NRXN1: variants seen among roughly 807,000 people sequenced by gnomAD.
NRXN1 encodes neurexin 1, also known as neurexin-1.
A neutral mutation model predicts 150.9 loss-of-function variants in NRXN1; 39 were observed. The observed-to-expected ratio is 0.26, with a 90% CI of 0.20 to 0.34. The LOEUF (loss-of-function observed/expected upper bound fraction) is 0.34, where lower values mean the gene tolerates loss of function less well. NRXN1 is among the 10% of genes least tolerant of loss of function. NRXN1 has a pLI of 1.00. For synonymous variants in NRXN1, 924 were observed against 757.0 expected (o/e 1.22, Z -3.62); for missense variants, 1,815 against 1,949.9 (o/e 0.93, Z 1.30).
intron 18 of NRXN1, among the ~76,000 whole-genome samples, chr2:50,108,904 A>C (rs1305340524): frequency 6.6e-6 from 1 of 152,122 alleles, no homozygotes; most frequent in Non-Finnish European, 1.5e-5. Flanking sequence ...CTGTAAACCG[A>C]AACCACACTG....
intron 15 of NRXN1, among the ~76,000 whole-genome samples, chr2:50,472,819 GTGTGTGTGTGTA>G (rs1395296418): frequency 2.3e-5 from 3 of 131,166 alleles, no homozygotes; most frequent in Admixed American, 8.3e-5. Context: ...GTGTGTGTGT[GTGTGTGTGTGTA>G]TATATATATA....
At chr2:50,673,460 A>G (rs1689131628) in intron 5 of NRXN1, among the ~76,000 whole-genome samples, 1 of 152,126 alleles carries the variant, frequency 6.6e-6, no homozygotes, top group African/African-American at 2.4e-5. Context: ...TCAGGTAGAA[A>G]CAAATGTAAA....
intron 17 of NRXN1, chr2:50,312,697 C>G (rs902330570): frequency 2.0e-6 from 1 of 510,840 alleles, no homozygotes; most frequent in Admixed American, 2.0e-5. Flanking sequence ...ATCCTCTCAT[C>G]TAGTCACTAG....
chr2:50,102,497 C>T (rs187608373), intron 18 of NRXN1, among the ~76,000 whole-genome samples: 1 of 152,174 alleles, frequency 6.6e-6, no homozygotes, highest in Non-Finnish European at 1.5e-5. Context: ...TTTTACTATA[C>T]TCCTGGCACT....
intron 5 of NRXN1, among the ~76,000 whole-genome samples, chr2:50,855,887 G>C (rs376436874): frequency 6.6e-6 from 1 of 151,860 alleles, no homozygotes; most frequent in Non-Finnish European, 1.5e-5. Flanking sequence ...GAAAAAGTAC[G>C]GTTAAACAAA....
intron 8 of NRXN1, among the ~76,000 whole-genome samples, chr2:50,572,525 A>G (rs1269195450): frequency 2.0e-5 from 3 of 152,180 alleles, no homozygotes; most frequent in Non-Finnish European, 4.4e-5. Flanking sequence ...TATTTCCAAT[A>G]TGTACCAGTC....
At chr2:51,013,742 A>G (rs1668253766) in intron 2 of NRXN1, among the ~76,000 whole-genome samples, 3 of 152,020 alleles carry the variant, frequency 2.0e-5, no homozygotes, top group African/African-American at 7.2e-5. Context: ...ACCTGTTCTC[A>G]CATTTATACT....
intron 21 of NRXN1, among the ~76,000 whole-genome samples, chr2:50,041,794 G>A (rs1206298685): frequency 6.6e-6 from 1 of 152,180 alleles, no homozygotes; most frequent in African/African-American, 2.4e-5. Context: ...TTCCTCTTGA[G>A]AGGGGACCAT....
At chr2:50,094,778 A>AT (rs1272626138) in intron 18 of NRXN1, among the ~76,000 whole-genome samples, 1 of 151,942 alleles carries the variant, frequency 6.6e-6, no homozygotes, top group African/African-American at 2.4e-5. Flanking sequence ...AAAAAAAAAA[A>AT]AAGAACTTGG....
At chr2:49,943,093 T>C (rs1193665627) in intron 22 of NRXN1, among the ~76,000 whole-genome samples, 1 of 152,192 alleles carries the variant, frequency 6.6e-6, no homozygotes, top group Non-Finnish European at 1.5e-5. Context: ...ATGGTAACAG[T>C]ATTTACGTTA....
intron 8 of NRXN1, among the ~76,000 whole-genome samples, chr2:50,581,409 T>A (rs1672245693): frequency 1.3e-5 from 2 of 152,298 alleles, no homozygotes; most frequent in Admixed American, 6.5e-5. Context: ...TCTCTTCAAA[T>A]AATTAAAACT....
chr2:50,918,539 C>T (rs1333873617), intron 5 of NRXN1: 1 of 370,786 alleles, frequency 2.7e-6, no homozygotes, highest in Non-Finnish European at 4.8e-6. Flanking sequence ...TTAACTTGTG[C>T]TCCTGAGCTA....
Position 50,408,866 on chromosome 2 carries a change from T to TCTCTCTCTCTCTCTCC in NRXN1, c.3364+56575_3364+56576insGGAGAGAGAGAGAGAG, listed in dbSNP as rs2082946812. ...CTCTCTCTCTCTCTCTCTCTCTCTCTCTCTCTCTCATATTTATATGCTCTA... is the reference window on the plus strand; with the variant it reads ...CTCTCTCTCTCTCTCTCTCTCTCTCTCTCTCTCTCTCTCTCCCTCTCTCTCATATTTATATGCTCTA... On this transcript the variant is annotated intron_variant, in intron 17 of 22. Transcript: ENST00000401669. Among the ~76,000 whole-genome samples the TCTCTCTCTCTCTCTCC allele has an allele frequency of 1.2e-4, 16 of 129,378 alleles. 1 individual carries two copies. The South Asian group carries it at 3.5e-3, about 29-fold the overall frequency. The allele number at this position is 129,378 out of a possible 152,430, so 84.9% of individuals were successfully genotyped here.
intron 5 of NRXN1, among the ~76,000 whole-genome samples, chr2:50,696,549 A>C (rs1308212899): frequency 6.6e-6 from 1 of 152,144 alleles, no homozygotes; most frequent in East Asian, 1.9e-4. Flanking sequence ...CAGGCGGAGA[A>C]AACTGTTTAT....
chr2:50,222,089 G>C (rs554397048), intron 18 of NRXN1, among the ~76,000 whole-genome samples: 13 of 152,064 alleles, frequency 8.5e-5, no homozygotes, highest in Non-Finnish European at 2.9e-5. Flanking sequence ...GAACACAGAG[G>C]TAGACTCTGA....
rs1471866874 is a variant in NRXN1, at chr2:50,270,667, GATATAGT to G, written c.3365-33704_3365-33698del. 3.8e-5 allele frequency among the ~76,000 whole-genome samples: 5 copies of G among 132,778 alleles called. No homozygotes were observed. In the Admixed American group the frequency reaches 3.9e-4, roughly 10 times the overall value. 87.1% of individuals were successfully genotyped at this position (132,778 alleles called of 152,430 possible). ...TATATTTATATGTAAAATGCATATA[GATATAGT>G]TTTTTTTTTTTTTTGAAACAGAGTC... On this transcript the variant is annotated intron_variant, in intron 17 of 22. Coordinates refer to ENST00000401669, the MANE Select transcript of NRXN1 (RefSeq NM_001330078.2).
chr2:50,609,944 C>G (rs778620857), intron 8 of NRXN1, among the ~76,000 whole-genome samples: 7 of 152,088 alleles, frequency 4.6e-5, no homozygotes, highest in Non-Finnish European at 1.0e-4. Flanking sequence ...AGATAAAAAT[C>G]TCATTTTCCT....
chr2:50,237,822 G>A (rs2065606863), intron 17 of NRXN1, among the ~76,000 whole-genome samples: 1 of 151,940 alleles, frequency 6.6e-6, no homozygotes, highest in South Asian at 2.1e-4. Flanking sequence ...ATCTGAAATG[G>A]TAAACCCCAT....
At chr2:50,252,246 C>CTTTTTTTTTTTTTT (rs1559175117) in intron 17 of NRXN1, among the ~76,000 whole-genome samples, 2 of 54,118 alleles carry the variant, frequency 3.7e-5, no homozygotes, top group Non-Finnish European at 7.0e-5. Flanking sequence ...TTTTTTTTTT[C>CTTTTTTTTTTTTTT]TTTTTTCTTT....
Sources: gnomAD v4.1 joint callset for allele counts (sites outside exome capture counted in the v4.1 genomes callset) on GRCh38, gnomAD v4.1.1 for gene constraint, MANE v1.5 for transcripts, NCBI Gene and HGNC (gene_info 2026-07-23, HGNC 2026-07-21) for gene names.